The following ZFYVE1 variants were observed in gnomAD, a reference collection of about 807,000 sequenced individuals.
The protein encoded by ZFYVE1 is zinc finger FYVE domain-containing protein 1.
Under a neutral mutation model 74.4 loss-of-function variants are expected in ZFYVE1, and 30 were observed. The observed-to-expected ratio is 0.40, with a 90% CI of 0.30 to 0.55. ZFYVE1 has a LOEUF of 0.55. Ranked by LOEUF, ZFYVE1 falls within the 20% of genes least tolerant of loss-of-function variation. ZFYVE1 has a pLI of 0.42. For synonymous variants in ZFYVE1, 335 were observed against 385.1 expected (o/e 0.87, Z 1.52); for missense variants, 703 against 1,011.6 (o/e 0.69, Z 4.14).
intron 2 of ZFYVE1, among the ~76,000 whole-genome samples, chr14:73,003,141 G>A (rs1302587190): frequency 2.3e-5 from 3 of 131,314 alleles, no homozygotes; most frequent in Non-Finnish European, 4.7e-5. Flanking sequence ...TGCAACCTCC[G>A]CCTTCTGGAT....
intron 8 of ZFYVE1, among the ~76,000 whole-genome samples, chr14:72,977,611 T>C (rs1419658102): frequency 6.6e-6 from 1 of 152,094 alleles, no homozygotes; most frequent in Non-Finnish European, 1.5e-5. Flanking sequence ...CATGTAAATA[T>C]TTGCATCTAG....
intron 2 of ZFYVE1, among the ~76,000 whole-genome samples, chr14:73,017,333 A>G (rs978197968): frequency 6.6e-6 from 1 of 152,180 alleles, no homozygotes; most frequent in African/African-American, 2.4e-5. Flanking sequence ...TGTGGTTTTA[A>G]GTAGCACCCT....
In ZFYVE1 at chr14:73,024,612, G is replaced by C. The variant is rs1281960986; in HGVS notation, c.-104C>G. On this transcript the variant is annotated 5_prime_UTR_variant, in exon 2 of 12. Transcript: ENST00000556143. Reference sequence around the variant, plus strand: ...CTGAAGACTGCACGAAACTTCCACAGGGTTCTGAACACTTTAAAAAAGAAC... The same window carrying C: ...CTGAAGACTGCACGAAACTTCCACACGGTTCTGAACACTTTAAAAAAGAAC... 1.4e-6 allele frequency: 2 copies of C among 1,462,434 alleles called. No homozygotes were observed. The highest frequency in any genetic ancestry group is 1.8e-6 in the Non-Finnish European group (2 of 1,097,964). 90.6% of individuals were successfully genotyped at this position (1,462,434 alleles called of 1,614,324 possible).
chr14:73,004,973 G>C (rs1015017830), intron 2 of ZFYVE1, among the ~76,000 whole-genome samples: 3 of 146,846 alleles, frequency 2.0e-5, no homozygotes, highest in Non-Finnish European at 4.5e-5. Context: ...TCCAGCCTGG[G>C]TGACAGTGAG....
chr14:72,982,313 T>A (rs1179194192), intron 4 of ZFYVE1, among the ~76,000 whole-genome samples: 1 of 151,624 alleles, frequency 6.6e-6, no homozygotes, highest in African/African-American at 2.4e-5. Context: ...CGGGCTTCTA[T>A]CCCAGCTATA....
rs1893065088 is a variant in ZFYVE1, at chr14:72,972,706, C to A, written c.2101+1374G>T. On this transcript the variant is annotated intron_variant, in intron 11 of 11. Transcript: ENST00000556143. ...CCAGGGCTGGGTAGCTATTTTAAAT[C>A]TTCTTTTTTTTTTTTTTTTGAGACA... 2.0e-5 allele frequency among the ~76,000 whole-genome samples: 3 copies of A among 150,770 alleles called. No homozygotes were observed. The South Asian group carries it at 6.3e-4, about 32-fold the overall frequency.
In ZFYVE1 at chr14:72,998,137, A is replaced by C; in HGVS notation, c.662T>G (p.Val221Gly). 6.2e-7 allele frequency: 1 copy of C among 1,613,426 alleles called. No homozygotes were observed. Among genetic ancestry groups the C allele is most frequent in the Non-Finnish European group, 8.5e-7 (1 of 1,179,826 alleles). Residue 221 changes from valine (V) to glycine (G), a missense_variant, in exon 3 of 12, where the codon GTG becomes GGG. By Grantham distance (109) the Val-to-Gly change is moderately radical (BLOSUM62 -3). Coordinates refer to ENST00000556143, the MANE Select transcript of ZFYVE1 (RefSeq NM_021260.4). ...SPTQESCTVG[V>G]WAAYDPVHKV... The stretch of plus-strand genomic sequence containing the variant: ...GTGAACTGGGTCATAGGCTGCCCAC[A>C]CTCCCACAGTGCAGGACTCCTGGGT...
chr14:72,997,093 T>A (rs987360236), intron 3 of ZFYVE1, among the ~76,000 whole-genome samples: 1 of 152,208 alleles, frequency 6.6e-6, no homozygotes, highest in African/African-American at 2.4e-5. Flanking sequence ...TCTACTTTCT[T>A]TCCCATTGTT....
At chr14:72,985,622 G>A (rs541551728) in intron 4 of ZFYVE1, among the ~76,000 whole-genome samples, 250 of 151,568 alleles carry the variant, frequency 1.6e-3, no homozygotes, top group African/African-American at 5.4e-3. Flanking sequence ...GTGAGCCACC[G>A]CACCTGGCCA....
chr14:72,975,804 A>G lies in ZFYVE1; in HGVS notation c.1636-83T>C. The stretch of plus-strand genomic sequence containing the variant: ...AAGAGGGATGTTTGGTGAGTTGCAC[A>G]CTCACCGTGGCCAACTCAGAACCAC... On this transcript the variant is annotated intron_variant, in intron 8 of 11. Transcript: ENST00000556143. This position sits in a 1 kb window ranked among gnomAD's most constrained non-coding sequence, Gnocchi z 4.1. The G allele has an allele frequency of 1.3e-6, 2 of 1,536,846 alleles. No homozygotes were observed. The highest frequency in any genetic ancestry group is 1.3e-5 in the South Asian group (1 of 79,746).
rs1440164670 is a variant in ZFYVE1 at position 72,978,950 on chromosome 14, T to C, written c.1330A>G (p.Met444Val). 4 of 1,613,822 alleles carry C rather than the reference T, an allele frequency of 2.5e-6. No individual in the cohort carries two copies. Among genetic ancestry groups the C allele is most frequent in the Admixed American group, 1.7e-5 (1 of 59,990 alleles). Reference sequence around the variant, plus strand: ...GGCACTCCTTCCTTCCCATGATTCATGCTTTTCTTACATCCAACCCTGAAT... The same window carrying C: ...GGCACTCCTTCCTTCCCATGATTCACGCTTTTCTTACATCCAACCCTGAAT... ...LSCGVGCKKS[M>V]NHGKEGVPHE... Residue 444 changes from methionine (M) to valine (V), a missense_variant, in exon 6 of 12, where the codon ATG (methionine) becomes GTG (valine). By Grantham distance (21) the Met-to-Val change is conservative. Coordinates refer to ENST00000556143, the MANE Select transcript of ZFYVE1 (RefSeq NM_021260.4).
intron 2 of ZFYVE1, among the ~76,000 whole-genome samples, chr14:73,022,204 C>T (rs1004088523): frequency 6.6e-6 from 1 of 152,174 alleles, no homozygotes; most frequent in Non-Finnish European, 1.5e-5. Flanking sequence ...GTCACTCTTC[C>T]ATAACTCTAT....
chr14:73,001,052 G>A (rs564917741), intron 2 of ZFYVE1, among the ~76,000 whole-genome samples: 1 of 152,302 alleles, frequency 6.6e-6, no homozygotes, highest in East Asian at 1.9e-4. Context: ...CCTCCTTTCA[G>A]TCTTCCTAAA....
At chr14:73,010,805 CA>C (rs796454216) in intron 2 of ZFYVE1, among the ~76,000 whole-genome samples, 209 of 100,952 alleles carry the variant, frequency 2.1e-3, no homozygotes, top group African/African-American at 5.8e-3. Context: ...ACACACAAAA[CA>C]AAAAAAAAAA....
intron 2 of ZFYVE1, among the ~76,000 whole-genome samples, chr14:73,009,334 C>T (rs1333106595): frequency 1.3e-5 from 2 of 152,232 alleles, no homozygotes; most frequent in Non-Finnish European, 2.9e-5. Context: ...ACATCAGGCA[C>T]TTAGCACAGT....
intron 2 of ZFYVE1, among the ~76,000 whole-genome samples, chr14:73,019,883 G>A (rs1271030151): frequency 6.6e-6 from 1 of 151,158 alleles, no homozygotes; most frequent in Non-Finnish European, 1.5e-5. Context: ...CCCAGGAGAC[G>A]GAGGTTGCAG....
chr14:72,994,041 G>A (rs1893686743), intron 3 of ZFYVE1, among the ~76,000 whole-genome samples: 1 of 146,734 alleles, frequency 6.8e-6, no homozygotes. Context: ...AGTAAGATAC[G>A]GGAGGGTGCA....
At chr14:73,001,738 G>A (rs2140371101) in intron 2 of ZFYVE1, among the ~76,000 whole-genome samples, 1 of 74,166 alleles carries the variant, frequency 1.3e-5, no homozygotes, top group African/African-American at 7.5e-5. Context: ...CCAGCACTTT[G>A]GGAGGCTCGA....
intron 2 of ZFYVE1, among the ~76,000 whole-genome samples, chr14:73,023,177 T>A (rs867965001): frequency 0.13 from 16,576 of 129,116 alleles, 1,960 homozygotes; most frequent in South Asian, 0.22. Context: ...TATATATATA[T>A]ATATATATAT....
Sources: gnomAD v4.1 joint callset for allele counts (sites outside exome capture counted in the v4.1 genomes callset) on GRCh38, gnomAD v4.1.1 for gene constraint, Gnocchi (gnomAD v3.1) non-coding constraint, MANE v1.5 for transcripts, NCBI Gene and HGNC (gene_info 2026-07-23, HGNC 2026-07-21) for gene names.